The following GBF1 variants were observed in gnomAD, a reference collection of about 807,000 sequenced individuals.
GBF1 encodes the protein golgi brefeldin A resistant guanine nucleotide exchange factor 1.
In GBF1, 114 loss-of-function variants were observed where a neutral mutation model predicts 210.5. The ratio of observed to expected loss-of-function variants is 0.54; its 90% confidence interval spans 0.47 to 0.63. The LOEUF is 0.63. Among genes scored for constraint, GBF1 ranks in the 30% least tolerant of loss-of-function variants. The probability of loss-of-function intolerance (pLI) is 0.00; values close to 1 mark genes in which losing one functional copy is unlikely to be tolerated. For synonymous variants in GBF1, 850 were observed against 889.2 expected (o/e 0.96, Z 0.78); for missense variants, 1,851 against 2,357.7 (o/e 0.79, Z 4.45).
chr10:102,326,300 A>T (rs1401197883), intron 3 of GBF1, among the ~76,000 whole-genome samples: 1 of 152,232 alleles, frequency 6.6e-6, no homozygotes, highest in African/African-American at 2.4e-5. Context: ...CTTGGGGAGT[A>T]ACAGGGCTTC....
chr10:102,312,459 C>G (rs543462718), intron 3 of GBF1, among the ~76,000 whole-genome samples: 1 of 152,282 alleles, frequency 6.6e-6, no homozygotes, highest in African/African-American at 2.4e-5. Context: ...TTTGGATAAC[C>G]TGGCACCCAG....
chr10:102,235,170 CCA>C, the GBF1 span, among the ~76,000 whole-genome samples: 2 of 71,500 alleles, frequency 2.8e-5, no homozygotes, highest in African/African-American at 1.4e-4. Context: ...TACCCTTCCC[CCA>C]CCCCCCACCC....
chr10:102,352,102 C>T (rs989894919), intron 6 of GBF1, 151 bp downstream of exon 6: 1 of 638,174 alleles, frequency 1.6e-6, no homozygotes, highest in Non-Finnish European at 2.8e-6. Context: ...AATGTCTGTA[C>T]TTGGCTATTG....
chr10:102,253,175 A>G (rs943492479), intron 1 of GBF1, among the ~76,000 whole-genome samples: 2 of 152,176 alleles, frequency 1.3e-5, no homozygotes, highest in Non-Finnish European at 2.9e-5. Context: ...GATTACAAGC[A>G]TGAGCCACTG....
At chr10:102,340,736 A>G (rs2134505498) in intron 3 of GBF1, among the ~76,000 whole-genome samples, 1 of 152,310 alleles carries the variant, frequency 6.6e-6, no homozygotes, top group South Asian at 2.1e-4. Context: ...CAACTTAATG[A>G]GATATGTTGG....
intron 3 of GBF1, among the ~76,000 whole-genome samples, chr10:102,260,855 T>C (rs954949203): frequency 1.3e-5 from 2 of 152,142 alleles, no homozygotes; most frequent in African/African-American, 2.4e-5. Flanking sequence ...GTTTATTGCA[T>C]TGGTTTCAGT....
rs368513429 is a variant in GBF1, at chr10:102,356,635, C to T, written c.640-1404C>T. On this transcript the variant is annotated intron_variant, in intron 8 of 39. Transcript: ENST00000369983. ...AAAAAGAATTAGCCAGGCTTGGTGG[C>T]GGGCGCCTGTAGTCCCAGCTACTCA... is the stretch of plus-strand genomic sequence containing the variant. 4.6e-5 allele frequency among the ~76,000 whole-genome samples: 7 copies of T among 152,022 alleles called. No homozygotes were observed. In the South Asian group the frequency reaches 1.0e-3, roughly 23 times the overall value.
chr10:102,371,977 G>A (rs1049213041), intron 29 of GBF1, among the ~76,000 whole-genome samples: 16 of 151,478 alleles, frequency 1.1e-4, no homozygotes, highest in Non-Finnish European at 2.1e-4. Context: ...GTCCACTTTG[G>A]GGGGCTGAGG....
At chr10:102,352,942 C>A (rs574361839) in intron 7 of GBF1, among the ~76,000 whole-genome samples, 2 of 152,104 alleles carry the variant, frequency 1.3e-5, no homozygotes, top group Non-Finnish European at 2.9e-5. Flanking sequence ...GGCAAACCCC[C>A]CTCAGTCCCA....
intron 3 of GBF1, among the ~76,000 whole-genome samples, chr10:102,288,013 C>G (rs2133587509): frequency 6.6e-6 from 1 of 152,312 alleles, no homozygotes; most frequent in Non-Finnish European, 1.5e-5. Context: ...CTTTATGTCT[C>G]TGAAATTGTC....
intron 3 of GBF1, among the ~76,000 whole-genome samples, chr10:102,300,428 G>GTAGT (rs1329370966): frequency 2.6e-5 from 4 of 152,224 alleles, no homozygotes; most frequent in African/African-American, 9.6e-5. Flanking sequence ...CAGTGGCATT[G>GTAGT]TAGTTACACT....
chr10:102,351,413 G>T (rs764018351), intron 5 of GBF1, 39 bp downstream of exon 5: 6 of 1,087,732 alleles, frequency 5.5e-6, no homozygotes, highest in Non-Finnish European at 8.6e-6. Context: ...TAATGGCCAG[G>T]GGCTGGTGCC....
chr10:102,344,647 A>C (rs1008795885), intron 4 of GBF1, among the ~76,000 whole-genome samples: 1 of 151,676 alleles, frequency 6.6e-6, no homozygotes, highest in African/African-American at 2.4e-5. Flanking sequence ...CGCCCAGCTA[A>C]TTTTTTGTAT....
chr10:102,331,548 C>T (rs1240852690), intron 3 of GBF1, among the ~76,000 whole-genome samples: 1 of 151,632 alleles, frequency 6.6e-6, no homozygotes, highest in Non-Finnish European at 1.5e-5. Flanking sequence ...CTTTGAGGGC[C>T]AAGGTGGGTG....
At chr10:102,319,144 C>T (rs549628594) in intron 3 of GBF1, among the ~76,000 whole-genome samples, 3 of 152,236 alleles carry the variant, frequency 2.0e-5, no homozygotes, top group African/African-American at 4.8e-5. Flanking sequence ...GGTGAAACCC[C>T]GTCTCTACTA....
chr10:102,231,130 G>C, the GBF1 span: 4 of 1,492,472 alleles, frequency 2.7e-6, no homozygotes, highest in Non-Finnish European at 3.5e-6. Flanking sequence ...GGCGGTCAGG[G>C]CCCGGGGCCG....
intron 8 of GBF1, among the ~76,000 whole-genome samples, chr10:102,356,592 C>T (rs1356449679): frequency 4.6e-5 from 7 of 151,910 alleles, no homozygotes; most frequent in East Asian, 3.9e-4. Flanking sequence ...GGTGAAACCC[C>T]GTCTCTACTA....
Position 102,260,098 on chromosome 10 carries a change from G to GT in GBF1, c.149dup (p.Leu50PhefsTer11). ...GCATAGTTTCGGTCATCTAAAGGAG[G>GT]TTTTAAACAGTATAACAGGTAAGTC... On this transcript the variant is annotated frameshift_variant, in exon 3 of 40. Coordinates refer to ENST00000369983, the MANE Select transcript of GBF1 (RefSeq NM_001377137.1). LOFTEE classifies it high-confidence loss of function. The GT allele has an allele frequency of 6.4e-7, 1 of 1,560,328 alleles. No individual in the cohort carries two copies.
intron 1 of GBF1, among the ~76,000 whole-genome samples, chr10:102,248,344 G>A (rs532084687): frequency 4.0e-5 from 6 of 151,686 alleles, no homozygotes; most frequent in East Asian, 1.9e-4. Flanking sequence ...ATATAATAAA[G>A]CAGTGTGCTG....
Sources: allele counts gnomAD v4.1 joint callset (sites outside exome capture counted in the v4.1 genomes callset), GRCh38; gene constraint gnomAD v4.1.1; transcripts MANE v1.5; gene names NCBI Gene and HGNC (gene_info 2026-07-23, HGNC 2026-07-21).